DCC: variants seen among roughly 807,000 people sequenced by gnomAD.
DCC encodes the protein netrin receptor DCC.
Under a neutral mutation model 172.5 loss-of-function variants are expected in DCC, and 58 were observed. That is an observed-to-expected ratio of 0.34 (90% CI 0.27 to 0.42). The LOEUF (loss-of-function observed/expected upper bound fraction) is 0.42. Among genes scored for constraint, DCC ranks in the 10% least tolerant of loss-of-function variants. DCC has a pLI of 1.00. For missense variants in DCC, 1,740 were observed against 1,791.0 expected (o/e 0.97, Z 0.51); for synonymous variants, 709 against 644.5 (o/e 1.10, Z -1.52).
At chr18:52,985,591 C>T (rs1024599516) in intron 5 of DCC, among the ~76,000 whole-genome samples, 4 of 151,978 alleles carry the variant, frequency 2.6e-5, no homozygotes, top group African/African-American at 9.7e-5. Context: ...TAATGAGTGC[C>T]GTCAATTTTT....
intron 2 of DCC, among the ~76,000 whole-genome samples, chr18:52,759,579 G>T (rs1204275018): frequency 2.6e-5 from 4 of 152,058 alleles, no homozygotes; most frequent in Non-Finnish European, 5.9e-5. Flanking sequence ...TAATGAAAAT[G>T]CAAGAGAAAC....
chr18:52,355,663 A>G (rs1482262317), intron 1 of DCC, among the ~76,000 whole-genome samples: 1 of 152,210 alleles, frequency 6.6e-6, no homozygotes, highest in Non-Finnish European at 1.5e-5. Flanking sequence ...AACAGCATAT[A>G]AACACACTGC....
intron 5 of DCC, among the ~76,000 whole-genome samples, chr18:53,053,459 C>A (rs926864428): frequency 6.6e-6 from 1 of 151,936 alleles, no homozygotes; most frequent in African/African-American, 2.4e-5. Flanking sequence ...CTTTTTATTT[C>A]ATTAGGAATT....
chr18:53,273,286 T>G (rs533096005), intron 12 of DCC, among the ~76,000 whole-genome samples: 6 of 152,170 alleles, frequency 3.9e-5, no homozygotes, highest in Non-Finnish European at 8.8e-5. Context: ...TGAATTTTAT[T>G]TCAGTCAATG....
At chr18:53,340,047 T>TACACACACACACACACACACAC in intron 15 of DCC, 140 bp downstream of exon 15, 1 of 591,346 alleles carries the variant, frequency 1.7e-6, no homozygotes, top group East Asian at 3.1e-5. Flanking sequence ...ACTGTCTATC[T>TACACACACACACACACACACAC]ACACACACAC....
At chr18:52,438,289 G>A (rs1434730567) in intron 1 of DCC, among the ~76,000 whole-genome samples, 2 of 152,212 alleles carry the variant, frequency 1.3e-5, no homozygotes, top group East Asian at 3.9e-4. Flanking sequence ...GAAAATCAAG[G>A]AATTCTGTCA....
At chr18:53,425,902 T>C (rs1910903967) in intron 21 of DCC, among the ~76,000 whole-genome samples, 1 of 152,148 alleles carries the variant, frequency 6.6e-6, no homozygotes, top group Non-Finnish European at 1.5e-5. Context: ...AGAATAATCT[T>C]TCTAAAATAT....
At chr18:52,893,098 A>G (rs1268699970) in intron 2 of DCC, among the ~76,000 whole-genome samples, 1 of 152,122 alleles carries the variant, frequency 6.6e-6, no homozygotes, top group Non-Finnish European at 1.5e-5. Context: ...ATACGGAATA[A>G]AGGCTTTGGG....
intron 13 of DCC, among the ~76,000 whole-genome samples, chr18:53,309,943 T>C (rs201190026): frequency 6.0e-5 from 8 of 132,638 alleles, no homozygotes; most frequent in Non-Finnish European, 9.5e-5. Context: ...TATATATATA[T>C]ACATGTATAT....
chr18:52,502,887 T>C (rs1479814449), intron 1 of DCC, among the ~76,000 whole-genome samples: 1 of 152,214 alleles, frequency 6.6e-6, no homozygotes, highest in African/African-American at 2.4e-5. Flanking sequence ...ACATTTATTT[T>C]GCAGTTCTTC....
At chr18:52,983,644 C>A (rs533505747) in intron 5 of DCC, among the ~76,000 whole-genome samples, 1 of 152,076 alleles carries the variant, frequency 6.6e-6, no homozygotes, top group East Asian at 1.9e-4. Flanking sequence ...TAGAGAAGAT[C>A]CAGCATACCA....
At chr18:52,584,861 A>G (rs140143197) in intron 1 of DCC, among the ~76,000 whole-genome samples, 31 of 152,204 alleles carry the variant, frequency 2.0e-4, no homozygotes, top group African/African-American at 7.2e-4. Flanking sequence ...TTTAGGCAGT[A>G]ATCTACCTCA....
chr18:53,509,651 G>A (rs1182556750), intron 27 of DCC, among the ~76,000 whole-genome samples: 3 of 152,242 alleles, frequency 2.0e-5, no homozygotes, highest in African/African-American at 7.2e-5. Context: ...TTCTCTGTGG[G>A]TGTGCCTGTA....
At chr18:53,215,420 T>C in intron 11 of DCC, 128 bp from the exon 12 acceptor site, 1 of 799,608 alleles carries the variant, frequency 1.3e-6, no homozygotes, top group Admixed American at 1.9e-5. Context: ...AAGTACTACC[T>C]GGGTTAACCT....
chr18:53,409,949 C>T (rs73960118), intron 19 of DCC, among the ~76,000 whole-genome samples: 4,550 of 152,254 alleles, frequency 0.03, 263 homozygotes, highest in African/African-American at 0.1. Context: ...AGGAAAGCAA[C>T]ACCGCCCCTG....
intron 7 of DCC, among the ~76,000 whole-genome samples, chr18:53,108,789 T>C: frequency 6.6e-6 from 1 of 151,672 alleles, no homozygotes; most frequent in Middle Eastern, 3.2e-3. Context: ...ATTGAGTGTT[T>C]CATGGTATCA....
chr18:53,430,237 C>T (rs1002834538), intron 21 of DCC, among the ~76,000 whole-genome samples: 1 of 152,110 alleles, frequency 6.6e-6, no homozygotes, highest in African/African-American at 2.4e-5. Flanking sequence ...GAAAGATATA[C>T]ATTGAACATT....
chr18:53,525,426 G>T (rs775213056), intron 27 of DCC, among the ~76,000 whole-genome samples: 11 of 151,960 alleles, frequency 7.2e-5, no homozygotes, highest in Non-Finnish European at 1.5e-4. Flanking sequence ...GCAGACTTTT[G>T]ATCCCTAAAG....
At chr18:53,229,199 A>G (rs2144611461) in intron 12 of DCC, among the ~76,000 whole-genome samples, 1 of 152,272 alleles carries the variant, frequency 6.6e-6, no homozygotes, top group Non-Finnish European at 1.5e-5. Flanking sequence ...ATCTTTTAAA[A>G]ACAAAGATTT....
Sources: allele counts gnomAD v4.1 joint callset (sites outside exome capture counted in the v4.1 genomes callset), GRCh38; gene constraint gnomAD v4.1.1; transcripts MANE v1.5; gene names NCBI Gene and HGNC (gene_info 2026-07-23, HGNC 2026-07-21).